TXNRD1: variants seen among roughly 807,000 people sequenced by gnomAD.
TXNRD1 encodes thioredoxin reductase 1, cytoplasmic.
A neutral mutation model predicts 80.3 loss-of-function variants in TXNRD1; 57 were observed. That is an observed-to-expected ratio of 0.71 (90% CI 0.57 to 0.89). TXNRD1 has a LOEUF of 0.89. Among genes scored for constraint, TXNRD1 ranks in the 40% least tolerant of loss-of-function variants. TXNRD1 has a pLI of 0.00. For missense variants in TXNRD1, 730 were observed against 803.0 expected (o/e 0.91, Z 1.10); for synonymous variants, 291 against 285.2 (o/e 1.02, Z -0.20).
chr12:104,261,263 G>A lies in TXNRD1; in HGVS notation c.304+3184G>A, dbSNP rs549532346. Among the ~76,000 whole-genome samples the A allele has an allele frequency of 7.2e-5, 11 of 151,918 alleles. No homozygotes were observed. In the South Asian group the frequency reaches 1.7e-3, roughly 23 times the overall value. The stretch of plus-strand genomic sequence containing the variant: ...GCCACAACCTCCACCTCTAGGGTTC[G>A]AGCGATTCTCCTGCCTCAGCCCCCA... On this transcript the variant is annotated intron_variant, in intron 3 of 16. Coordinates refer to ENST00000525566, the MANE Select transcript of TXNRD1 (RefSeq NM_001093771.3).
intron 12 of TXNRD1, 115 bp from the exon 13 acceptor site, chr12:104,327,400 A>T (rs566885472): frequency 6.6e-5 from 66 of 996,770 alleles, no homozygotes; most frequent in Non-Finnish European, 8.7e-5. Flanking sequence ...AACACATTAG[A>T]ACATTGCCCT....
chr12:104,348,369 C>T lies in TXNRD1; in HGVS notation c.1898C>T (p.Ser633Phe). 1 of 1,614,022 alleles carries T rather than the reference C, an allele frequency of 6.2e-7. No homozygotes were observed. Among genetic ancestry groups the T allele is most frequent in the South Asian group, 1.1e-5 (1 of 91,080 alleles). The change falls in exon 17 of 17, where the codon TCT becomes TTT. Residue 633 changes from serine to phenylalanine, a missense_variant. Transcript: ENST00000525566. Reference sequence around the variant, plus strand: ...CCCCTGCAGGTATTCACAACATTGTCTGTGACCAAGCGCTCTGGGGCAAGC... The same window carrying T: ...CCCCTGCAGGTATTCACAACATTGTTTGTGACCAAGCGCTCTGGGGCAAGC... The part of the protein sequence containing the change: ...PVCAEVFTTL[S>F]VTKRSGASIL...
At chr12:104,313,086 G>A (rs1418585680) in intron 5 of TXNRD1, among the ~76,000 whole-genome samples, 159 bp from the exon 6 acceptor site, 3 of 151,976 alleles carry the variant, frequency 2.0e-5, no homozygotes, top group Middle Eastern at 3.4e-3. Flanking sequence ...TTTTATCCTG[G>A]AGTTTAACTA....
chr12:104,231,936 T>G (rs984706937), intron 1 of TXNRD1, among the ~76,000 whole-genome samples: 4 of 152,234 alleles, frequency 2.6e-5, no homozygotes, highest in Admixed American at 6.6e-5. Context: ...TAGGATTTAA[T>G]GACAAATGTA....
intron 15 of TXNRD1, among the ~76,000 whole-genome samples, chr12:104,338,934 T>C (rs965928876): frequency 6.6e-6 from 1 of 152,056 alleles, no homozygotes; most frequent in African/African-American, 2.4e-5. Flanking sequence ...ACCAGGATGG[T>C]CTCGACCTCC....
chr12:104,234,347 T>A (rs2032687651), intron 1 of TXNRD1, among the ~76,000 whole-genome samples: 1 of 152,136 alleles, frequency 6.6e-6, no homozygotes, highest in Non-Finnish European at 1.5e-5. Context: ...CAGGCTGGAG[T>A]GCAGTGGCAT....
At chr12:104,319,695 C>A in intron 9 of TXNRD1, 110 bp downstream of exon 9, 1 of 777,080 alleles carries the variant, frequency 1.3e-6, no homozygotes, top group Non-Finnish European at 2.1e-6. Flanking sequence ...GATTTCTTTG[C>A]CACATTGTGC....
chr12:104,319,135 A>G (rs2035438084), intron 8 of TXNRD1, 80 bp downstream of exon 8: 1 of 1,479,454 alleles, frequency 6.8e-7, no homozygotes. Flanking sequence ...ATGTTAAAGT[A>G]TTATAATAAA....
rs1234296017 is a variant in TXNRD1 at position 104,327,763 on chromosome 12, T to C, written c.1542+92T>C. On this transcript the variant is annotated intron_variant, in intron 13 of 16. Transcript: ENST00000525566. ...GGCAGTTGGGAAGTTTCGCAGATCT[T>C]GAATAATTTAGTTATTTTGGTGATG... 5.7e-6 allele frequency: 8 copies of C among 1,402,602 alleles called. No homozygotes were observed. The African/African-American group carries it at 1.2e-4, about 20-fold the overall frequency. The allele number at this position is 1,402,602 out of a possible 1,614,324, so 86.9% of individuals were successfully genotyped here.
intron 2 of TXNRD1, among the ~76,000 whole-genome samples, chr12:104,256,991 T>TC (rs2033267798): frequency 6.7e-6 from 1 of 149,336 alleles, no homozygotes; most frequent in Non-Finnish European, 1.5e-5. Context: ...TTTTTTTTTT[T>TC]CAAGAATCAT....
intron 1 of TXNRD1, among the ~76,000 whole-genome samples, chr12:104,232,901 C>T (rs543362378): frequency 6.6e-6 from 1 of 152,218 alleles, no homozygotes; most frequent in Non-Finnish European, 1.5e-5. Context: ...GTCCTTACTG[C>T]AGTGTCCTAT....
At chr12:104,225,938 G>A (rs528578092) in intron 1 of TXNRD1, among the ~76,000 whole-genome samples, 11 of 152,188 alleles carry the variant, frequency 7.2e-5, no homozygotes, top group Admixed American at 2.0e-4. Flanking sequence ...AGTGTCTCAC[G>A]CCTGTAATCC....
At chr12:104,340,326 G>A (rs1565915665) in intron 16 of TXNRD1, among the ~76,000 whole-genome samples, 1 of 152,186 alleles carries the variant, frequency 6.6e-6, no homozygotes, top group African/African-American at 2.4e-5. Flanking sequence ...TTTATTCAGT[G>A]TAATGACTCA....
intron 14 of TXNRD1, among the ~76,000 whole-genome samples, chr12:104,333,728 T>G (rs1322830501): frequency 2.0e-5 from 3 of 152,082 alleles, no homozygotes; most frequent in East Asian, 3.9e-4. Flanking sequence ...CTTCCCTATC[T>G]CCTTCCTTCT....
At chr12:104,294,462 T>C (rs2034368652) in intron 4 of TXNRD1, among the ~76,000 whole-genome samples, 1 of 152,058 alleles carries the variant, frequency 6.6e-6, no homozygotes, top group Admixed American at 6.6e-5. Flanking sequence ...CCTATCTCTG[T>C]ATGGCCTGGT....
At chr12:104,323,807 C>T (rs1198581343) in intron 10 of TXNRD1, among the ~76,000 whole-genome samples, 1 of 108,140 alleles carries the variant, frequency 9.2e-6, no homozygotes, top group Non-Finnish European at 2.2e-5. Flanking sequence ...GGCGGGGGGG[C>T]TGACCCCCCC....
chr12:104,245,684 A>G (rs1305413288), intron 1 of TXNRD1, among the ~76,000 whole-genome samples: 2 of 146,522 alleles, frequency 1.4e-5, no homozygotes, highest in South Asian at 2.2e-4. Flanking sequence ...TGGCCATTTG[A>G]GTAGTTTTTG....
At chr12:104,334,732 G>A (rs745552331) in intron 15 of TXNRD1, among the ~76,000 whole-genome samples, 6 of 152,176 alleles carry the variant, frequency 3.9e-5, no homozygotes, top group East Asian at 3.9e-4. Context: ...TCAGTATTTC[G>A]CGTGCCAGTT....
At chr12:104,291,162 C>T in intron 4 of TXNRD1, 1 of 503,914 alleles carries the variant, frequency 2.0e-6, no homozygotes, top group South Asian at 2.4e-5. Context: ...AATCATTTAG[C>T]ATATTTCTTA....
Sources: gnomAD v4.1 joint callset for allele counts (sites outside exome capture counted in the v4.1 genomes callset) on GRCh38, gnomAD v4.1.1 for gene constraint, MANE v1.5 for transcripts, NCBI Gene and HGNC (gene_info 2026-07-23, HGNC 2026-07-21) for gene names.